Variants in SYNE1 observed in about 807,000 individuals in gnomAD.
The protein encoded by SYNE1 is nesprin-1.
In SYNE1, 616 loss-of-function variants were observed where a neutral mutation model predicts 1,111.0. The ratio of observed to expected loss-of-function variants is 0.55; its 90% CI spans 0.52 to 0.59. The LOEUF is 0.59. Ranked by LOEUF, SYNE1 falls within the 20% of genes least tolerant of loss-of-function variation. The probability of loss-of-function intolerance (pLI) is 0.00; values close to 1 mark genes in which losing one functional copy is unlikely to be tolerated. For missense variants in SYNE1, 10,006 were observed against 10,417.0 expected, an observed-to-expected ratio of 0.96 and a Z score of 1.72; for synonymous variants, 3,855 against 3,825.8, an observed-to-expected ratio of 1.01 and a Z score of -0.28.
At chr6:152,596,582 T>G (rs954635425) in intron 3 of SYNE1, among the ~76,000 whole-genome samples, 2 of 152,150 alleles carry the variant, frequency 1.3e-5, no homozygotes, top group Admixed American at 1.3e-4. Flanking sequence ...TTTAACTTTT[T>G]TATTATTATT....
At chr6:152,254,248 T>TC (rs1182406049) in intron 104 of SYNE1, among the ~76,000 whole-genome samples, 2 of 122,486 alleles carry the variant, frequency 1.6e-5, no homozygotes, top group Non-Finnish European at 1.8e-5. Context: ...CATACTCTTT[T>TC]TTTTTTTTTT....
In SYNE1 at chr6:152,505,061, C is replaced by A; in HGVS notation, c.778+140G>T. On this transcript the variant is annotated intron_variant, in intron 9 of 145. Coordinates refer to ENST00000367255, the MANE Select transcript of SYNE1 (RefSeq NM_182961.4). ...ATATTTATCCAGAAGAAAATTGATG[C>A]AGGAAAATACCATTACTTGCCACTT... 6.5e-6 allele frequency: 6 copies of A among 918,442 alleles called. No individual in the cohort carries two copies. The South Asian group carries it at 8.6e-5, about 13-fold the overall frequency. 56.9% of individuals were successfully genotyped at this position (918,442 alleles called of 1,614,324 possible). A position where few individuals can be genotyped will look rare whatever the true frequency, so the allele number is the denominator to read the frequency against.
At chr6:152,275,349 C>A (rs959313761) in intron 98 of SYNE1, among the ~76,000 whole-genome samples, 1 of 151,746 alleles carries the variant, frequency 6.6e-6, no homozygotes, top group Non-Finnish European at 1.5e-5. Flanking sequence ...TTTGATCCAC[C>A]TGTGATACAT....
chr6:152,453,776 A>C (rs1403614563), intron 24 of SYNE1, 56 bp from the exon 25 acceptor site: 1 of 1,610,974 alleles, frequency 6.2e-7, no homozygotes, highest in African/African-American at 1.3e-5. Flanking sequence ...AGGCAGCACC[A>C]GGCACAATCA....
At chr6:152,594,161 C>G (rs1189478762) in intron 3 of SYNE1, among the ~76,000 whole-genome samples, 2 of 152,186 alleles carry the variant, frequency 1.3e-5, no homozygotes, top group African/African-American at 4.8e-5. Context: ...GTCTACTGGT[C>G]TTGCCATTCT....
At chr6:152,189,444 C>A in intron 127 of SYNE1, 37 bp from the exon 128 acceptor site, 6 of 1,607,240 alleles carry the variant, frequency 3.7e-6, no homozygotes, top group Admixed American at 3.3e-5. Flanking sequence ...CCACGGACAT[C>A]TCCTGCCAAT....
intron 77 of SYNE1, among the ~76,000 whole-genome samples, chr6:152,333,697 A>G (rs531722084): frequency 2.1e-4 from 32 of 152,100 alleles, no homozygotes; most frequent in African/African-American, 7.7e-4. Flanking sequence ...CAGTGGTGCA[A>G]TCTTGGCTCA....
chr6:152,290,079 AAAAACAAAAC>A (rs1000726501), intron 95 of SYNE1, among the ~76,000 whole-genome samples: 6 of 152,180 alleles, frequency 3.9e-5, no homozygotes, highest in Admixed American at 1.3e-4. Flanking sequence ...ACATATATGA[AAAAACAAAAC>A]AAAACAAAAT....
intron 3 of SYNE1, among the ~76,000 whole-genome samples, chr6:152,623,048 T>C (rs2099678989): frequency 6.6e-6 from 1 of 152,006 alleles, no homozygotes; most frequent in South Asian, 2.1e-4. Context: ...AGCCAAGGCG[T>C]CCTAAGCAAA....
intron 4 of SYNE1, among the ~76,000 whole-genome samples, chr6:152,532,675 T>C (rs1347176794): frequency 1.3e-5 from 2 of 152,210 alleles, no homozygotes; most frequent in African/African-American, 4.8e-5. Flanking sequence ...ACTCTCCATG[T>C]GCATTCTGTG....
intron 127 of SYNE1, among the ~76,000 whole-genome samples, chr6:152,200,178 C>T (rs1019516722): frequency 5.9e-5 from 9 of 152,142 alleles, no homozygotes; most frequent in African/African-American, 1.2e-4. Flanking sequence ...ACCCCTTAAA[C>T]GAGTCAGTGT....
rs201841732 is a variant in SYNE1, at chr6:152,208,150, C to T, written c.22646G>A (p.Arg7549His). 17 of 1,614,024 alleles carry T rather than the reference C, an allele frequency of 1.1e-5. No homozygotes were observed. The highest frequency in any genetic ancestry group is 4.4e-5 in the South Asian group (4 of 91,072). Reference sequence around the variant, plus strand: ...GATCCCCCGCCTCTGCTGGGCCCTGCGAATCACTCCCTGCCATTGATTACT... The same window carrying T: ...GATCCCCCGCCTCTGCTGGGCCCTGTGAATCACTCCCTGCCATTGATTACT... ...LLSNQWQGVI[R>H]RAQQRRGIID... is the part of the protein sequence containing the mutation. The change falls in exon 125 of 146, where the codon CGC becomes CAC. Residue 7549 changes from arginine to histidine, a missense_variant. Physicochemically the swap from Arg to His is conservative, Grantham distance 29 (BLOSUM62 0). Transcript: ENST00000367255.
intron 15 of SYNE1, chr6:152,472,054 A>C: frequency 1.7e-6 from 1 of 596,636 alleles, no homozygotes; most frequent in Non-Finnish European, 2.9e-6. Flanking sequence ...GTACTGAACA[A>C]AAATACAGCC....
intron 133 of SYNE1, among the ~76,000 whole-genome samples, chr6:152,154,396 T>TC (rs2060974193): frequency 2.6e-5 from 4 of 151,516 alleles, no homozygotes; most frequent in Non-Finnish European, 4.4e-5. Context: ...TAGAAATGAA[T>TC]TATAATGAAA....
At position 152,365,092 on chromosome 6, in the gene SYNE1, C is replaced by A. The variant is rs1409520445; in HGVS notation, c.9973-73G>T. ...TGCTGGCTTTAAATATTGCAGAGCTCCTAAAGATCACAGAATAATATGCAA... is the reference window on the plus strand; with the variant it reads ...TGCTGGCTTTAAATATTGCAGAGCTACTAAAGATCACAGAATAATATGCAA... On this transcript the variant is annotated intron_variant, in intron 62 of 145. Transcript: ENST00000367255. 3 of 1,572,708 alleles carry A rather than the reference C, an allele frequency of 1.9e-6. No individual in the cohort carries two copies. The Admixed American group carries it at 5.0e-5, about 26-fold the overall frequency.
chr6:152,583,838 G>A (rs959812889), intron 3 of SYNE1, among the ~76,000 whole-genome samples: 10 of 152,142 alleles, frequency 6.6e-5, no homozygotes, highest in Admixed American at 5.9e-4. Flanking sequence ...GTGGGCCTGC[G>A]GCAGAGAGTA....
chr6:152,526,817 C>T (rs2099165760), intron 4 of SYNE1, among the ~76,000 whole-genome samples: 1 of 152,170 alleles, frequency 6.6e-6, no homozygotes, highest in African/African-American at 2.4e-5. Flanking sequence ...CACAAAAGTA[C>T]AGACCGATCA....
intron 126 of SYNE1, among the ~76,000 whole-genome samples, chr6:152,202,346 CA>C (rs35563822): frequency 7.6e-3 from 366 of 47,996 alleles, no homozygotes; most frequent in East Asian, 0.048. Flanking sequence ...GACTCTGTCT[CA>C]AAAAAAAAAA....
At chr6:152,165,632 C>A (rs1425660773) in intron 130 of SYNE1, among the ~76,000 whole-genome samples, 1 of 152,106 alleles carries the variant, frequency 6.6e-6, no homozygotes, top group African/African-American at 2.4e-5. Flanking sequence ...AAATATGTTA[C>A]AATGTTTATT....
Sources: gnomAD v4.1 joint callset for allele counts (sites outside exome capture counted in the v4.1 genomes callset) on GRCh38, gnomAD v4.1.1 for gene constraint, MANE v1.5 for transcripts, NCBI Gene and HGNC (gene_info 2026-07-23, HGNC 2026-07-21) for gene names.